The following SERGEF variants were observed in gnomAD, a reference collection of about 807,000 sequenced individuals.
SERGEF encodes the protein secretion regulating guanine nucleotide exchange factor.
SERGEF carries 51 observed loss-of-function variants against 50.0 expected under a neutral mutation model. That is an observed-to-expected ratio of 1.02 (90% CI 0.81 to 1.29). SERGEF has a LOEUF of 1.29. Ranked by LOEUF, SERGEF falls within the 50% of genes most tolerant of loss-of-function variation. The pLI, the probability that SERGEF is intolerant of heterozygous loss-of-function variation, is 0.00. For synonymous variants in SERGEF, 205 were observed against 212.4 expected (o/e 0.97, Z 0.30); for missense variants, 521 against 557.0 (o/e 0.94, Z 0.65).
intron 10 of SERGEF, among the ~76,000 whole-genome samples, chr11:17,825,117 T>C (rs1850167757): frequency 6.6e-6 from 1 of 152,182 alleles, no homozygotes; most frequent in African/African-American, 2.4e-5. Flanking sequence ...CTTTCATCCA[T>C]TCAACTGACA....
intron 10 of SERGEF, among the ~76,000 whole-genome samples, chr11:17,799,944 T>C (rs1849636052): frequency 6.6e-6 from 1 of 152,190 alleles, no homozygotes; most frequent in Non-Finnish European, 1.5e-5. Flanking sequence ...CACAGGGAGA[T>C]GAGGTCCTGG....
Position 17,878,261 on chromosome 11 carries a change from A to AG in SERGEF, c.1012-18dup. The AG allele has an allele frequency of 6.8e-7, 1 of 1,479,816 alleles. No individual in the cohort carries two copies. Among genetic ancestry groups the AG allele is most frequent in the Non-Finnish European group, 9.3e-7 (1 of 1,070,988 alleles). The allele number at this position is 1,479,816 out of a possible 1,614,324, so 91.7% of individuals were successfully genotyped here. A position where few individuals can be genotyped will look rare whatever the true frequency, so the allele number is the denominator to read the frequency against. On this transcript the variant is annotated splice_polypyrimidine_tract_variant and intron_variant, in intron 9 of 10. Coordinates refer to ENST00000265965, the MANE Select transcript of SERGEF (RefSeq NM_012139.4). ...ACAAGAGACCTGTAAAAAAAAAAAA[A>AG]GACAAAGAAAATGGATAGATATTTC... is the stretch of plus-strand genomic sequence containing the variant.
At chr11:17,968,934 C>T (rs556794693) in intron 8 of SERGEF, among the ~76,000 whole-genome samples, 5 of 152,298 alleles carry the variant, frequency 3.3e-5, no homozygotes, top group African/African-American at 1.2e-4. Flanking sequence ...CTCTACAGCA[C>T]ATCACCTTTC....
rs543611463 is a variant in SERGEF at position 17,877,466 on chromosome 11, T to C, written c.1048+742A>G. ...ATAACTTATCCCTGCAACAACACTA[T>C]GAGGTAGGCACTATTGCCCTCCCCA... On this transcript the variant is annotated intron_variant, in intron 10 of 10. Coordinates refer to ENST00000265965, the MANE Select transcript of SERGEF (RefSeq NM_012139.4). Among the ~76,000 whole-genome samples the C allele has an allele frequency of 2.4e-4, 37 of 152,342 alleles. No individual in the cohort carries two copies. The Middle Eastern group carries it at 0.01, about 42-fold the overall frequency.
chr11:17,792,004 G>A (rs1450510060), intron 10 of SERGEF, among the ~76,000 whole-genome samples: 2 of 151,982 alleles, frequency 1.3e-5, no homozygotes, highest in South Asian at 4.2e-4. Context: ...ATGGTTCTAC[G>A]CAGTAAAAAC....
intron 8 of SERGEF, among the ~76,000 whole-genome samples, chr11:17,965,156 T>G (rs1257397352): frequency 6.6e-6 from 1 of 152,194 alleles, no homozygotes; most frequent in Non-Finnish European, 1.5e-5. Flanking sequence ...AATTGAATCA[T>G]GGGGTCAGTT....
At chr11:17,953,937 G>A (rs1852815673) in intron 9 of SERGEF, among the ~76,000 whole-genome samples, 1 of 152,210 alleles carries the variant, frequency 6.6e-6, no homozygotes, top group South Asian at 2.1e-4. Context: ...CCCCTGCTAT[G>A]TCAGCAGCTA....
intron 9 of SERGEF, among the ~76,000 whole-genome samples, chr11:17,908,885 T>G (rs945806327): frequency 3.9e-5 from 6 of 152,266 alleles, no homozygotes; most frequent in African/African-American, 1.4e-4. Flanking sequence ...TAGGGTTCCG[T>G]CATCAGCATG....
At position 17,940,141 on chromosome 11, in the gene SERGEF, C is replaced by A. The variant is rs570509064; in HGVS notation, c.1011+19329G>T. On this transcript the variant is annotated intron_variant, in intron 9 of 10. Transcript: ENST00000265965. Reference sequence around the variant, plus strand: ...AATGGGAAGAGGTCTAGCAAATGAACTGAGTCCAGTATGGTGGGTTCAACA... The same window carrying A: ...AATGGGAAGAGGTCTAGCAAATGAAATGAGTCCAGTATGGTGGGTTCAACA... 1.4e-4 allele frequency among the ~76,000 whole-genome samples: 22 copies of A among 152,274 alleles called. No homozygotes were observed. In the South Asian group the frequency reaches 4.6e-3, roughly 32 times the overall value.
chr11:17,878,364 G>C, intron 9 of SERGEF, 120 bp from the exon 10 acceptor site: 1 of 675,252 alleles, frequency 1.5e-6, no homozygotes, highest in Non-Finnish European at 2.6e-6. Flanking sequence ...GAAGGAAATA[G>C]AAAGAAGCAT....
chr11:17,945,080 A>C (rs1383659956), intron 9 of SERGEF, among the ~76,000 whole-genome samples: 1 of 152,248 alleles, frequency 6.6e-6, no homozygotes, highest in African/African-American at 2.4e-5. Context: ...TAAATAAGCC[A>C]CTTACTCATA....
chr11:17,830,645 G>GGGGAGAGAGA lies in SERGEF; in HGVS notation c.1049-42233_1049-42232insTCTCTCTCCC, dbSNP rs1565179387. The stretch of plus-strand genomic sequence containing the variant: ...GAGAGAGGGAAAGGGGGAGGGAGAG[G>GGGGAGAGAGA]GAGGGAGAGAGAGAGAGAGAGAGAG... On this transcript the variant is annotated intron_variant, in intron 10 of 10. Coordinates refer to ENST00000265965, the MANE Select transcript of SERGEF (RefSeq NM_012139.4). Among the ~76,000 whole-genome samples the GGGGAGAGAGA allele has an allele frequency of 2.6e-4, 5 of 19,382 alleles. 1 individual carries two copies. The highest frequency in any genetic ancestry group is 3.9e-3 in the South Asian group (2 of 510). The allele number at this position is 19,382 out of a possible 152,430, so 12.7% of individuals were successfully genotyped here.
intron 9 of SERGEF, among the ~76,000 whole-genome samples, chr11:17,919,839 G>A (rs1052793410): frequency 3.9e-5 from 6 of 152,008 alleles, no homozygotes; most frequent in South Asian, 2.1e-4. Context: ...ACTGCAACGC[G>A]GGAGGCTGAG....
At chr11:17,947,057 CCA>C (rs1852676975) in intron 9 of SERGEF, among the ~76,000 whole-genome samples, 1 of 152,218 alleles carries the variant, frequency 6.6e-6, no homozygotes, top group Admixed American at 6.5e-5. Flanking sequence ...TGGAAGACCA[CCA>C]CACATGGGAT....
chr11:17,892,612 G>A (rs113950801), intron 9 of SERGEF, among the ~76,000 whole-genome samples: 8 of 152,178 alleles, frequency 5.3e-5, no homozygotes, highest in Admixed American at 2.0e-4. Context: ...GATTTATTAC[G>A]TAACATTACT....
intron 10 of SERGEF, among the ~76,000 whole-genome samples, chr11:17,789,562 T>C (rs1272300683): frequency 6.6e-6 from 1 of 152,214 alleles, no homozygotes. Flanking sequence ...TTCATGTTTT[T>C]CTGTGGTCGT....
chr11:17,903,912 G>C (rs1042397285), intron 9 of SERGEF, among the ~76,000 whole-genome samples: 3 of 152,240 alleles, frequency 2.0e-5, no homozygotes, highest in Non-Finnish European at 4.4e-5. Flanking sequence ...TAAGTGACAA[G>C]GTAACAGCCA....
chr11:17,941,882 G>A (rs540760133), intron 9 of SERGEF, among the ~76,000 whole-genome samples: 1 of 152,222 alleles, frequency 6.6e-6, no homozygotes, highest in South Asian at 2.1e-4. Flanking sequence ...CTAATGATTA[G>A]GGATGTTGAG....
chr11:17,870,917 A>T (rs1044244574), intron 10 of SERGEF, among the ~76,000 whole-genome samples: 9 of 152,210 alleles, frequency 5.9e-5, no homozygotes, highest in African/African-American at 2.2e-4. Context: ...CTAAAAGCAC[A>T]TCAACACATA....
Sources: gnomAD v4.1 joint callset for allele counts (sites outside exome capture counted in the v4.1 genomes callset) on GRCh38, gnomAD v4.1.1 for gene constraint, MANE v1.5 for transcripts, NCBI Gene and HGNC (gene_info 2026-07-23, HGNC 2026-07-21) for gene names.